IPCEF1: variants seen among roughly 807,000 people sequenced by gnomAD.
IPCEF1 encodes interaction protein for cytohesin exchange factors 1, also known as interactor protein for cytohesin exchange factors 1.
Under a neutral mutation model 50.9 loss-of-function variants are expected in IPCEF1, and 31 were observed. That is an observed-to-expected ratio of 0.61 (90% CI 0.46 to 0.82). The LOEUF (loss-of-function observed/expected upper bound fraction) is 0.82, where lower values mean the gene tolerates loss of function less well. IPCEF1 is among the 40% of genes least tolerant of loss of function. The probability of loss-of-function intolerance (pLI) is 0.00; values close to 1 mark genes in which losing one functional copy is unlikely to be tolerated. For synonymous variants in IPCEF1, 181 were observed against 192.0 expected, an observed-to-expected ratio of 0.94 and a Z score of 0.47; for missense variants, 458 against 514.0, an observed-to-expected ratio of 0.89 and a Z score of 1.05.
At chr6:154,191,569 G>A (rs1801887815) in intron 10 of IPCEF1, among the ~76,000 whole-genome samples, 1 of 151,984 alleles carries the variant, frequency 6.6e-6, no homozygotes, top group Non-Finnish European at 1.5e-5. Context: ...AGCTACTTGG[G>A]AGGCTGAGGC....
intron 5 of IPCEF1, among the ~76,000 whole-genome samples, chr6:154,242,849 T>C (rs960090911): frequency 6.6e-6 from 1 of 151,506 alleles, no homozygotes; most frequent in Admixed American, 6.6e-5. Flanking sequence ...GATAACACCA[T>C]TGTACTCCAG....
intron 5 of IPCEF1, among the ~76,000 whole-genome samples, chr6:154,234,955 G>A (rs1396218337): frequency 2.6e-5 from 4 of 152,098 alleles, no homozygotes; most frequent in Admixed American, 1.3e-4. Flanking sequence ...CTATTCTTTC[G>A]GAAGCTTTAA....
chr6:154,251,793 G>A (rs957297883), intron 3 of IPCEF1, among the ~76,000 whole-genome samples: 1 of 152,052 alleles, frequency 6.6e-6, no homozygotes, highest in African/African-American at 2.4e-5. Flanking sequence ...AGGAGGACTG[G>A]GAAGAAGGGG....
intron 11 of IPCEF1, among the ~76,000 whole-genome samples, chr6:154,164,507 C>T (rs573675865): frequency 2.0e-5 from 3 of 152,326 alleles, no homozygotes; most frequent in East Asian, 1.9e-4. Context: ...TCCTGGATGG[C>T]GCATGAGGCT....
chr6:154,300,433 A>G (rs1219684411), intron 1 of IPCEF1, among the ~76,000 whole-genome samples: 1 of 152,130 alleles, frequency 6.6e-6, no homozygotes. Context: ...GCAACATATG[A>G]TGACCCACGT....
intron 2 of IPCEF1, among the ~76,000 whole-genome samples, chr6:154,288,460 G>A (rs146243097): frequency 0.02 from 3,056 of 151,842 alleles, 86 homozygotes; most frequent in African/African-American, 0.069. Context: ...TCAGGAGATC[G>A]AGACCATCCT....
chr6:154,304,891 A>G (rs1782892301), intron 1 of IPCEF1, among the ~76,000 whole-genome samples: 1 of 152,230 alleles, frequency 6.6e-6, no homozygotes, highest in African/African-American at 2.4e-5. Context: ...AGGTGGGCAG[A>G]TCACCTGAGG....
intron 1 of IPCEF1, among the ~76,000 whole-genome samples, chr6:154,293,067 C>T (rs756118178): frequency 6.6e-6 from 1 of 152,082 alleles, no homozygotes; most frequent in African/African-American, 2.4e-5. Flanking sequence ...TACTTTTTGC[C>T]GTGGGGGCCT....
intron 3 of IPCEF1, among the ~76,000 whole-genome samples, chr6:154,258,821 G>A (rs1781523971): frequency 6.6e-6 from 1 of 152,184 alleles, no homozygotes; most frequent in Non-Finnish European, 1.5e-5. Context: ...GACTGGCCAA[G>A]ACTTCAAGAC....
chr6:154,346,491 T>C (rs1784031713), intron 1 of IPCEF1, among the ~76,000 whole-genome samples: 1 of 152,178 alleles, frequency 6.6e-6, no homozygotes, highest in South Asian at 2.1e-4. Context: ...CTTTTTCTGG[T>C]TGTATAATAA....
At chr6:154,337,649 CGTTATTT>C (rs905127913) in intron 1 of IPCEF1, among the ~76,000 whole-genome samples, 4 of 151,980 alleles carry the variant, frequency 2.6e-5, no homozygotes, top group African/African-American at 9.7e-5. Flanking sequence ...GTCAAATTTC[CGTTATTT>C]GTGGGGTAGA....
Position 154,199,897 on chromosome 6 carries a change from G to C in IPCEF1, c.681C>G (p.Asn227Lys). 3.1e-6 allele frequency: 5 copies of C among 1,614,198 alleles called. No individual in the cohort carries two copies. The highest frequency in any genetic ancestry group is 4.2e-6 in the Non-Finnish European group (5 of 1,180,046). ...CCTCATCTTCAGCAGCAGACAAACT[G>C]TTAACTGTGTCAGGCAAGGATTGTC... is the stretch of plus-strand genomic sequence containing the variant. ...KERQSLPDTV[N>K]SLSAAEDEGQ... The change falls in exon 10 of 12, where the codon AAC becomes AAG. Residue 227 changes from asparagine to lysine, a missense_variant. By Grantham distance (94) the Asn-to-Lys change is moderately conservative (BLOSUM62 0). Transcript: ENST00000367220.
At chr6:154,338,436 T>C (rs1783834675) in intron 1 of IPCEF1, among the ~76,000 whole-genome samples, 1 of 152,240 alleles carries the variant, frequency 6.6e-6, no homozygotes, top group Admixed American at 6.5e-5. Flanking sequence ...GACTTTTTAC[T>C]GCTAGACTCT....
At chr6:154,227,196 T>G (rs1026131916) in intron 5 of IPCEF1, among the ~76,000 whole-genome samples, 1 of 151,376 alleles carries the variant, frequency 6.6e-6, no homozygotes, top group African/African-American at 2.4e-5. Flanking sequence ...AGAGCAAGAT[T>G]CTGTCTCAAA....
intron 10 of IPCEF1, among the ~76,000 whole-genome samples, chr6:154,174,678 C>A (rs192889152): frequency 1.2e-3 from 185 of 152,286 alleles, no homozygotes; most frequent in Non-Finnish European, 2.0e-3. Context: ...AAAGCAAGTC[C>A]TTAGAGACCT....
At chr6:154,196,372 C>T (rs1583770261) in intron 10 of IPCEF1, among the ~76,000 whole-genome samples, 1 of 152,262 alleles carries the variant, frequency 6.6e-6, no homozygotes, top group East Asian at 1.9e-4. Context: ...TTTCCTGAAA[C>T]ATCATGCATG....
chr6:154,159,948 G>C lies in IPCEF1; in HGVS notation c.1197C>G (p.Thr399=), dbSNP rs1158746624. The C allele has an allele frequency of 6.2e-7, 1 of 1,613,542 alleles. No individual in the cohort carries two copies. The highest frequency in any genetic ancestry group is 2.2e-5 in the East Asian group (1 of 44,886). ...GCTGATAGATGTCCTGGATCAGCAG[G>C]GTGTTCATGACTTTCCACTCTCTGT... ...RKYREWKVMN[T]LLIQDIYQQQ... The change falls in exon 12 of 12, where the codon ACC becomes ACG. Residue 399 remains threonine, a synonymous_variant. Coordinates refer to ENST00000367220, the MANE Select transcript of IPCEF1 (RefSeq NM_001130700.2).
At position 154,156,225 on chromosome 6, in the gene IPCEF1, GAGACTGTGCTCAA is replaced by G. The variant is rs1263788653; in HGVS notation, c.*3590_*3602del. The G allele has an allele frequency of 2.6e-5, 4 of 152,280 alleles. No individual in the cohort carries two copies. The highest frequency in any genetic ancestry group is 2.0e-4 in the Admixed American group (3 of 15,290). 9.4% of individuals were successfully genotyped at this position (152,280 alleles called of 1,614,324 possible). ...CAGGTTGAGGCAGGACCACTAGGAG[GAGACTGTGCTCAA>G]GCACAGAGAGGGCCCTTTAGGTTTC... is the stretch of plus-strand genomic sequence containing the variant. On this transcript the variant is annotated 3_prime_UTR_variant, in exon 12 of 12. Coordinates refer to ENST00000367220, the MANE Select transcript of IPCEF1 (RefSeq NM_001130700.2).
intron 9 of IPCEF1, 57 bp downstream of exon 9, chr6:154,212,713 G>A (rs1040653369): frequency 1.7e-6 from 2 of 1,165,144 alleles, no homozygotes; most frequent in Non-Finnish European, 2.6e-6. Context: ...TCAATTGGAA[G>A]AAATGACATC....
Sources: allele counts gnomAD v4.1 joint callset (sites outside exome capture counted in the v4.1 genomes callset), GRCh38; gene constraint gnomAD v4.1.1; transcripts MANE v1.5; gene names NCBI Gene and HGNC (gene_info 2026-07-23, HGNC 2026-07-21).